The following MAF variants were observed in gnomAD, a reference collection of about 807,000 sequenced individuals.
MAF encodes the protein MAF bZIP transcription factor, also known as transcription factor Maf.
In MAF, 10 loss-of-function variants were observed where a neutral mutation model predicts 22.0. The observed-to-expected ratio is 0.45, with a 90% CI of 0.28 to 0.77. MAF has a LOEUF of 0.77. MAF is among the 30% of genes least tolerant of loss of function. The pLI, the probability that MAF is intolerant of heterozygous loss-of-function variation, is 0.12. For synonymous variants in MAF, 337 were observed against 255.8 expected, an observed-to-expected ratio of 1.32 and a Z score of -3.03; for missense variants, 544 against 548.4, an observed-to-expected ratio of 0.99 and a Z score of 0.08.
the MAF span, among the ~76,000 whole-genome samples, chr16:79,479,969 G>A: frequency 6.6e-6 from 1 of 152,162 alleles, no homozygotes; most frequent in Non-Finnish European, 1.5e-5. Flanking sequence ...CAGCTGATTA[G>A]GAAATAAGCT....
the MAF span, among the ~76,000 whole-genome samples, chr16:79,466,300 C>G: frequency 6.6e-6 from 1 of 152,176 alleles, no homozygotes; most frequent in Non-Finnish European, 1.5e-5. Flanking sequence ...GCTCTGAAAT[C>G]TGTGTGAATG....
At chr16:79,248,532 G>C in the MAF span, among the ~76,000 whole-genome samples, 1 of 152,124 alleles carries the variant, frequency 6.6e-6, no homozygotes, top group Non-Finnish European at 1.5e-5. Flanking sequence ...TTGTAACATG[G>C]GTTGGACTGA....
the MAF span, among the ~76,000 whole-genome samples, chr16:79,530,824 A>C: frequency 3.9e-5 from 6 of 152,218 alleles, no homozygotes; most frequent in African/African-American, 1.4e-4. Flanking sequence ...TCCTGGAGAT[A>C]GTAAAACGGC....
chr16:79,469,198 G>A, the MAF span, among the ~76,000 whole-genome samples: 5 of 152,156 alleles, frequency 3.3e-5, no homozygotes, highest in African/African-American at 7.2e-5. Context: ...AGCCATGACC[G>A]TTCATTTACA....
chr16:79,339,556 G>A, the MAF span, among the ~76,000 whole-genome samples: 1 of 152,188 alleles, frequency 6.6e-6, no homozygotes, highest in Non-Finnish European at 1.5e-5. Context: ...GAGATAGCTT[G>A]TGTTAAGCCG....
At chr16:79,496,162 T>C in the MAF span, among the ~76,000 whole-genome samples, 2 of 152,180 alleles carry the variant, frequency 1.3e-5, no homozygotes, top group African/African-American at 4.8e-5. Context: ...GTAGGAGTAT[T>C]TGTTATGCAG....
the MAF span, among the ~76,000 whole-genome samples, chr16:79,432,128 TC>T: frequency 6.6e-6 from 1 of 152,128 alleles, no homozygotes; most frequent in Non-Finnish European, 1.5e-5. Flanking sequence ...AGGGATGGTT[TC>T]CCCCATGCTG....
chr16:79,433,994 T>C, the MAF span, among the ~76,000 whole-genome samples: 1 of 152,174 alleles, frequency 6.6e-6, no homozygotes, highest in Non-Finnish European at 1.5e-5. Context: ...GTGGAGCTTG[T>C]GCCCCATGAT....
chr16:79,420,897 G>A, the MAF span, among the ~76,000 whole-genome samples: 1 of 152,142 alleles, frequency 6.6e-6, no homozygotes. Context: ...ATCCAGGCAT[G>A]GGGGCAGGCA....
chr16:79,218,252 C>T, the MAF span, among the ~76,000 whole-genome samples: 1 of 133,824 alleles, frequency 7.5e-6, no homozygotes, highest in Non-Finnish European at 1.6e-5. Context: ...CCCTCAAAGT[C>T]ATCTTATTTC....
the MAF span, among the ~76,000 whole-genome samples, chr16:79,502,989 A>G: frequency 6.6e-6 from 1 of 151,954 alleles, no homozygotes; most frequent in Non-Finnish European, 1.5e-5. Flanking sequence ...ATCAGCTTTT[A>G]TCAAAGGAAT....
the MAF span, among the ~76,000 whole-genome samples, chr16:79,443,871 C>T: frequency 8.0e-5 from 12 of 150,540 alleles, no homozygotes; most frequent in African/African-American, 1.9e-4. Flanking sequence ...TAAAAACACA[C>T]GGAATATGTC....
the MAF span, among the ~76,000 whole-genome samples, chr16:79,416,890 C>A: frequency 6.6e-6 from 1 of 152,112 alleles, no homozygotes; most frequent in African/African-American, 2.4e-5. Context: ...GGTAGACAGC[C>A]TTTTGTTTTT....
At chr16:79,220,651 G>A in the MAF span, among the ~76,000 whole-genome samples, 36 of 152,150 alleles carry the variant, frequency 2.4e-4, no homozygotes, top group African/African-American at 8.0e-4. Context: ...AAATATATTT[G>A]TGTAAGATTT....
At chr16:79,474,216 C>G in the MAF span, among the ~76,000 whole-genome samples, 55,717 of 152,064 alleles carry the variant, frequency 0.37, 11,838 homozygotes, top group Middle Eastern at 0.49. Flanking sequence ...AATCTCTCTA[C>G]ATGGCATAGA....
the MAF span, among the ~76,000 whole-genome samples, chr16:79,489,826 C>T: frequency 6.3e-3 from 959 of 152,208 alleles, 11 homozygotes; most frequent in Non-Finnish European, 4.7e-3. Context: ...CTGTGTGAAA[C>T]GCAGCCAGCT....
chr16:79,313,673 G>A, the MAF span, among the ~76,000 whole-genome samples: 1 of 152,122 alleles, frequency 6.6e-6, no homozygotes. Flanking sequence ...CTTGGGTGAG[G>A]ACTTCTGCTT....
chr16:79,418,107 A>C, the MAF span, among the ~76,000 whole-genome samples: 8 of 152,166 alleles, frequency 5.3e-5, no homozygotes, highest in Admixed American at 1.3e-4. Flanking sequence ...CTGAGGAAGA[A>C]AACAGGGACC....
the MAF span, among the ~76,000 whole-genome samples, chr16:79,413,455 G>C: frequency 2.7e-5 from 4 of 148,998 alleles, 1 homozygote; most frequent in Admixed American, 6.7e-5. Context: ...CCATGGTCTC[G>C]ATCTCCTGAC....
Sources: allele counts gnomAD v4.1 joint callset (sites outside exome capture counted in the v4.1 genomes callset), GRCh38; gene constraint gnomAD v4.1.1; transcripts MANE v1.5; gene names NCBI Gene and HGNC (gene_info 2026-07-23, HGNC 2026-07-21).